PPP1R21: variants seen among roughly 807,000 people sequenced by gnomAD.
PPP1R21 encodes KLRAQ motif containing 1.
In PPP1R21, 85 loss-of-function variants were observed where a neutral mutation model predicts 112.8. That is an observed-to-expected ratio of 0.75 (90% CI 0.63 to 0.90). The LOEUF (loss-of-function observed/expected upper bound fraction) is 0.90, where lower values mean the gene tolerates loss of function less well. PPP1R21 is among the 40% of genes least tolerant of loss of function. PPP1R21 has a pLI of 0.00. For synonymous variants in PPP1R21, 381 were observed against 322.3 expected, an observed-to-expected ratio of 1.18 and a Z score of -1.95; for missense variants, 1,199 against 901.5, an observed-to-expected ratio of 1.33 and a Z score of -4.23.
At position 48,459,854 on chromosome 2, in the gene PPP1R21, A is replaced by G; in HGVS notation, c.476A>G (p.Asp159Gly). The change falls in exon 5 of 22, where the codon GAC becomes GGC. Residue 159 changes from aspartate (D) to glycine (G), a missense_variant. By Grantham distance (94) the Asp-to-Gly change is moderately conservative. Coordinates refer to ENST00000294952, the MANE Select transcript of PPP1R21 (RefSeq NM_001135629.3). ...TEAAQHQAVV[D>G]GLTRKYMETI... ...GCAGCCCAGCACCAAGCTGTGGTTG[A>G]CGGTCTCACCCGGAAGTACATGGAA... 1 of 1,614,180 alleles carries G rather than the reference A, an allele frequency of 6.2e-7. No homozygotes were observed. Among genetic ancestry groups the G allele is most frequent in the Non-Finnish European group, 8.5e-7 (1 of 1,180,032 alleles).
chr2:48,444,320 G>A (rs565923299), intron 1 of PPP1R21, among the ~76,000 whole-genome samples: 1 of 152,266 alleles, frequency 6.6e-6, no homozygotes, highest in East Asian at 1.9e-4. Flanking sequence ...AGAGGTTTGT[G>A]AAGTTAATAA....
chr2:48,496,064 A>G (rs1312432336), intron 16 of PPP1R21, among the ~76,000 whole-genome samples: 1 of 152,218 alleles, frequency 6.6e-6, no homozygotes, highest in Admixed American at 6.5e-5. Context: ...AATGTCTGAA[A>G]TACCAAAGTA....
At position 48,455,063 on chromosome 2, in the gene PPP1R21, C is replaced by T. The variant is rs539281340; in HGVS notation, c.273+322C>T. Among the ~76,000 whole-genome samples the T allele has an allele frequency of 2.8e-4, 43 of 152,124 alleles. No individual in the cohort carries two copies. The South Asian group carries it at 8.7e-3, about 31-fold the overall frequency. On this transcript the variant is annotated intron_variant, in intron 3 of 21. Transcript: ENST00000294952. Reference sequence around the variant, plus strand: ...ATGTTGCCCAGGCTGGCCTTGAACTCCTGGACTCAAGCGATCCACCTGCCT... The same window carrying T: ...ATGTTGCCCAGGCTGGCCTTGAACTTCTGGACTCAAGCGATCCACCTGCCT...
chr2:48,462,869 G>T (rs1042025552), intron 7 of PPP1R21, among the ~76,000 whole-genome samples: 3 of 152,174 alleles, frequency 2.0e-5, no homozygotes, highest in African/African-American at 7.2e-5. Flanking sequence ...GCGTACTATT[G>T]TGGAGGCTTA....
At chr2:48,490,652 T>C (rs1175007744) in intron 14 of PPP1R21, among the ~76,000 whole-genome samples, 1 of 152,220 alleles carries the variant, frequency 6.6e-6, no homozygotes, top group African/African-American at 2.4e-5. Context: ...AGTTAAAATA[T>C]GGAATCTAGA....
intron 1 of PPP1R21, among the ~76,000 whole-genome samples, chr2:48,444,641 G>T (rs1478824933): frequency 6.6e-6 from 1 of 152,178 alleles, no homozygotes; most frequent in Non-Finnish European, 1.5e-5. Flanking sequence ...TTCTCAAAGT[G>T]TGGAACCTGA....
At position 48,461,173 on chromosome 2, in the gene PPP1R21, C is replaced by G; in HGVS notation, c.635C>G (p.Ser212Ter). 9 of 1,575,712 alleles carry G rather than the reference C, an allele frequency of 5.7e-6. No individual in the cohort carries two copies. The highest frequency in any genetic ancestry group is 7.7e-6 in the Non-Finnish European group (9 of 1,167,822). Residue 212 changes from serine to a stop codon, truncating the protein, a stop_gained, in exon 7 of 22, where the codon TCA becomes TGA. Coordinates refer to ENST00000294952, the MANE Select transcript of PPP1R21 (RefSeq NM_001135629.3). LOFTEE classifies it high-confidence loss of function. ...TTAAAGACTCTTCATGAAGATTTGTCAGGTAGATTAGAGGAATCCTTATCA... is the reference window on the plus strand; with the variant it reads ...TTAAAGACTCTTCATGAAGATTTGTGAGGTAGATTAGAGGAATCCTTATCA... Reference protein sequence around the residue: ...LQLKTLHEDLSGRLEESLSII... With the variant: ...LQLKTLHEDL
At chr2:48,514,665 T>A in intron 21 of PPP1R21, 50 bp from the exon 22 acceptor site, 1 of 1,343,196 alleles carries the variant, frequency 7.4e-7, no homozygotes, top group Non-Finnish European at 1.1e-6. Context: ...CTATGTGAGT[T>A]ATTTTTTTTT....
chr2:48,454,226 A>G (rs1251098671), intron 2 of PPP1R21, among the ~76,000 whole-genome samples: 1 of 152,136 alleles, frequency 6.6e-6, no homozygotes, highest in African/African-American at 2.4e-5. Context: ...GTGCCACTGC[A>G]CTCCAGCCTG....
chr2:48,473,248 A>G (rs1431017925), intron 11 of PPP1R21, among the ~76,000 whole-genome samples: 1 of 152,062 alleles, frequency 6.6e-6, no homozygotes, highest in Non-Finnish European at 1.5e-5. Context: ...ACTAATTATT[A>G]TGAACTAATA....
intron 9 of PPP1R21, among the ~76,000 whole-genome samples, chr2:48,468,589 G>T (rs1203658303): frequency 6.6e-6 from 1 of 152,104 alleles, no homozygotes; most frequent in Non-Finnish European, 1.5e-5. Flanking sequence ...GAGGCGGGTG[G>T]ATCGCTTGAC....
chr2:48,440,831 G>T lies in PPP1R21; in HGVS notation c.-123G>T. ...AGGAGGCGCGGCGGCGGCGGCGGCG[G>T]CGGCTGCGGTGGCCAAGCAGGCAGA... On this transcript the variant is annotated 5_prime_UTR_variant, in exon 1 of 22. Transcript: ENST00000294952. 1 of 703,884 alleles carries T rather than the reference G, an allele frequency of 1.4e-6. No homozygotes were observed. Among genetic ancestry groups the T allele is most frequent in the Non-Finnish European group, 2.4e-6 (1 of 413,972 alleles). The allele number at this position is 703,884 out of a possible 1,614,324, so 43.6% of individuals were successfully genotyped here. A position where few individuals can be genotyped will look rare whatever the true frequency, so the allele number is the denominator to read the frequency against.
chr2:48,483,983 C>T (rs946977868), intron 13 of PPP1R21, among the ~76,000 whole-genome samples: 1 of 152,068 alleles, frequency 6.6e-6, no homozygotes, highest in African/African-American at 2.4e-5. Flanking sequence ...CTACCGTGCC[C>T]AGCCTAATGT....
At chr2:48,495,272 C>T (rs1297592929) in intron 15 of PPP1R21, among the ~76,000 whole-genome samples, 3 of 152,168 alleles carry the variant, frequency 2.0e-5, no homozygotes, top group East Asian at 1.9e-4. Flanking sequence ...GGCACAATCT[C>T]TGCTCACTGC....
Position 48,471,270 on chromosome 2 carries a change from C to A in PPP1R21, c.1000-9C>A. 1 of 1,608,970 alleles carries A rather than the reference C, an allele frequency of 6.2e-7. No individual in the cohort carries two copies. Among genetic ancestry groups the A allele is most frequent in the Non-Finnish European group, 8.5e-7 (1 of 1,177,844 alleles). On this transcript the variant is annotated splice_polypyrimidine_tract_variant and intron_variant, in intron 10 of 21. Coordinates refer to ENST00000294952, the MANE Select transcript of PPP1R21 (RefSeq NM_001135629.3). ...CACTTTTAACCTTGAAATTATTTTT[C>A]TTTTCCAGGAGACAACTGTGAAATT...
chr2:48,479,175 C>T (rs1668892027), intron 12 of PPP1R21, among the ~76,000 whole-genome samples: 1 of 152,136 alleles, frequency 6.6e-6, no homozygotes, highest in Admixed American at 6.6e-5. Context: ...GGGAACGTTC[C>T]CCGCCTCTGT....
At chr2:48,460,041 C>T (rs1667908106) in intron 5 of PPP1R21, 54 bp from the exon 6 acceptor site, 1 of 1,605,186 alleles carries the variant, frequency 6.2e-7, no homozygotes, top group Non-Finnish European at 8.5e-7. Flanking sequence ...ACTAAGTGTG[C>T]TCCTATCTGT....
intron 1 of PPP1R21, among the ~76,000 whole-genome samples, chr2:48,444,179 T>C (rs960037210): frequency 1.2e-4 from 19 of 152,222 alleles, no homozygotes; most frequent in African/African-American, 4.3e-4. Context: ...GAAAGTGTTA[T>C]GGAAAGGTTA....
rs754737154 is a variant in PPP1R21 at position 48,515,246 on chromosome 2, C to CTCTCTCTCTT, written c.*503_*504insCTCTCTCTTT. 1 of 145,484 alleles carries CTCTCTCTCTT rather than the reference C, an allele frequency of 6.9e-6. No individual in the cohort carries two copies. The highest frequency in any genetic ancestry group is 2.0e-4 in the East Asian group (1 of 4,940). The allele number at this position is 145,484 out of a possible 1,614,324, so 9.0% of individuals were successfully genotyped here. A position where few individuals can be genotyped will look rare whatever the true frequency, so the allele number is the denominator to read the frequency against. On this transcript the variant is annotated 3_prime_UTR_variant, in exon 22 of 22. Transcript: ENST00000294952. ...TCTCTCTCTCTCTCTCTCTCTCTCT[C>CTCTCTCTCTT]TTCTTTCTCTCTGAGGGAGAGGGAG...
Sources: allele counts gnomAD v4.1 joint callset (sites outside exome capture counted in the v4.1 genomes callset), GRCh38; gene constraint gnomAD v4.1.1; transcripts MANE v1.5; gene names NCBI Gene and HGNC (gene_info 2026-07-23, HGNC 2026-07-21).